ATG7: variants seen among roughly 807,000 people sequenced by gnomAD.
The protein encoded by ATG7 is autophagy related 7, also known as ubiquitin-like modifier-activating enzyme ATG7.
Under a neutral mutation model 82.4 loss-of-function variants are expected in ATG7, and 70 were observed. The observed-to-expected ratio is 0.85, with a 90% confidence interval of 0.70 to 1.04. ATG7 has a LOEUF of 1.04. Ranked by LOEUF, ATG7 falls within the 50% of genes least tolerant of loss-of-function variation. ATG7 has a pLI of 0.00. For synonymous variants in ATG7, 287 were observed against 313.0 expected (o/e 0.92, Z 0.88); for missense variants, 792 against 864.3 (o/e 0.92, Z 1.05).
At chr3:11,570,886 G>T in the ATG7 span, among the ~76,000 whole-genome samples, 1,474 of 152,274 alleles carry the variant, frequency 9.7e-3, 13 homozygotes, top group Non-Finnish European at 0.017. Flanking sequence ...CTCTCCCCTT[G>T]TGAGTGGGAG....
intron 19 of ATG7, among the ~76,000 whole-genome samples, chr3:11,426,400 G>C (rs1021923117): frequency 2.0e-5 from 3 of 151,888 alleles, no homozygotes; most frequent in Non-Finnish European, 4.4e-5. Flanking sequence ...TGGCTAGCTC[G>C]TATGTCACAC....
At chr3:11,411,685 A>C (rs2080919251) in intron 19 of ATG7, among the ~76,000 whole-genome samples, 1 of 144,086 alleles carries the variant, frequency 6.9e-6, no homozygotes, top group Non-Finnish European at 1.5e-5. Flanking sequence ...ATTTTGTCCC[A>C]TTCCAGAAGT....
At chr3:11,498,395 T>G (rs2091027477) in intron 20 of ATG7, among the ~76,000 whole-genome samples, 1 of 152,224 alleles carries the variant, frequency 6.6e-6, no homozygotes, top group South Asian at 2.1e-4. Context: ...GCAGCTACTC[T>G]GTATTGTCAT....
chr3:11,439,948 C>T (rs1052422385), intron 20 of ATG7, among the ~76,000 whole-genome samples: 3 of 152,220 alleles, frequency 2.0e-5, no homozygotes, highest in African/African-American at 7.2e-5. Flanking sequence ...GTTGTCAAGA[C>T]TGTAGCTATG....
chr3:11,489,238 C>T (rs2090101790), intron 20 of ATG7, among the ~76,000 whole-genome samples: 1 of 152,192 alleles, frequency 6.6e-6, no homozygotes, highest in Non-Finnish European at 1.5e-5. Context: ...ACATTTAAGT[C>T]TGCAGAGGTT....
intron 19 of ATG7, among the ~76,000 whole-genome samples, chr3:11,413,539 A>G (rs1329961928): frequency 6.6e-6 from 1 of 152,194 alleles, no homozygotes; most frequent in Non-Finnish European, 1.5e-5. Flanking sequence ...TTAATATAAG[A>G]TATAATCTAA....
At chr3:11,347,855 A>G in intron 13 of ATG7, 22 bp from the exon 14 acceptor site, 1 of 1,607,576 alleles carries the variant, frequency 6.2e-7, no homozygotes, top group South Asian at 1.1e-5. Context: ...GAAACACACC[A>G]TGATCTCCTG....
At chr3:11,564,676 C>CCCTCCCTCACCACCTCG in the ATG7 span, 1 of 1,214,540 alleles carries the variant, frequency 8.2e-7, no homozygotes. Flanking sequence ...CTCACCACCT[C>CCCTCCCTCACCACCTCG]CCTCCCTCAC....
intron 20 of ATG7, among the ~76,000 whole-genome samples, chr3:11,476,274 C>T (rs2088200904): frequency 6.6e-6 from 1 of 152,204 alleles, no homozygotes; most frequent in Non-Finnish European, 1.5e-5. Flanking sequence ...TTCATTCACT[C>T]TAGCAAAATC....
At chr3:11,452,342 G>A (rs2085269892) in intron 20 of ATG7, among the ~76,000 whole-genome samples, 1 of 118,462 alleles carries the variant, frequency 8.4e-6, no homozygotes, top group Admixed American at 1.2e-4. Context: ...CCATGATCAC[G>A]CCACTACACC....
chr3:11,440,321 C>CTCTT (rs1448398866), intron 20 of ATG7, among the ~76,000 whole-genome samples: 1 of 67,158 alleles, frequency 1.5e-5, no homozygotes, highest in African/African-American at 5.6e-5. Context: ...CTGGCCTTTA[C>CTCTT]TCTTTTTTTT....
At chr3:11,487,456 G>T (rs1482084273) in intron 20 of ATG7, among the ~76,000 whole-genome samples, 3 of 69,794 alleles carry the variant, frequency 4.3e-5, no homozygotes. Flanking sequence ...GGCTGGCCGG[G>T]CGGGGGGCTG....
the ATG7 span, among the ~76,000 whole-genome samples, chr3:11,574,365 A>G: frequency 3.9e-5 from 6 of 152,182 alleles, no homozygotes; most frequent in South Asian, 2.1e-4. Context: ...CCTGTCCTGT[A>G]TGCCTGTCAT....
At chr3:11,461,902 C>A (rs1029030585) in intron 20 of ATG7, among the ~76,000 whole-genome samples, 1 of 151,788 alleles carries the variant, frequency 6.6e-6, no homozygotes, top group South Asian at 2.1e-4. Context: ...TGGTGGCGGG[C>A]GCCTGTAGTC....
chr3:11,305,372 G>T (rs1239566940), intron 5 of ATG7, among the ~76,000 whole-genome samples: 1 of 152,198 alleles, frequency 6.6e-6, no homozygotes, highest in Non-Finnish European at 1.5e-5. Context: ...ACAAAATGAG[G>T]CTTTGGTATG....
intron 20 of ATG7, among the ~76,000 whole-genome samples, chr3:11,543,960 A>T (rs1409717887): frequency 6.6e-6 from 1 of 152,158 alleles, no homozygotes; most frequent in Non-Finnish European, 1.5e-5. Context: ...CCAAGTCCCT[A>T]CAGGGCATGA....
At chr3:11,564,074 C>G in the ATG7 span, among the ~76,000 whole-genome samples, 4 of 152,334 alleles carry the variant, frequency 2.6e-5, no homozygotes, top group Middle Eastern at 3.4e-3. Context: ...TGACTACTGA[C>G]TAAGGACCTA....
intron 20 of ATG7, among the ~76,000 whole-genome samples, chr3:11,497,374 T>TATATATATATATAC: frequency 8.5e-6 from 1 of 117,260 alleles, no homozygotes; most frequent in Admixed American, 9.5e-5. Flanking sequence ...TATATATATA[T>TATATATATATATAC]ATATATATAT....
At chr3:11,321,343 G>C (rs1181739402) in intron 9 of ATG7, among the ~76,000 whole-genome samples, 3 of 152,172 alleles carry the variant, frequency 2.0e-5, no homozygotes, top group Non-Finnish European at 4.4e-5. Context: ...GGCTGACTAT[G>C]AGAGAGTGGG....
Sources: allele counts gnomAD v4.1 joint callset (sites outside exome capture counted in the v4.1 genomes callset), GRCh38; gene constraint gnomAD v4.1.1; transcripts MANE v1.5; gene names NCBI Gene and HGNC (gene_info 2026-07-23, HGNC 2026-07-21).